Variants in MKRN2 observed in about 807,000 individuals in gnomAD.
MKRN2 encodes E3 ubiquitin-protein ligase makorin-2.
MKRN2 carries 32 observed loss-of-function variants against 45.4 expected under a neutral mutation model. The ratio of observed to expected loss-of-function variants is 0.70; its 90% confidence interval spans 0.53 to 0.95. MKRN2 has a LOEUF of 0.95. Ranked by LOEUF, MKRN2 falls within the 40% of genes least tolerant of loss-of-function variation. The pLI is 0.00. For synonymous variants in MKRN2, 206 were observed against 192.4 expected, an observed-to-expected ratio of 1.07 and a Z score of -0.59; for missense variants, 526 against 536.7, an observed-to-expected ratio of 0.98 and a Z score of 0.20.
chr3:12,572,480 G>A (rs2058105745), intron 4 of MKRN2, 107 bp downstream of exon 4: 2 of 1,059,420 alleles, frequency 1.9e-6, no homozygotes, highest in Admixed American at 7.2e-5. Flanking sequence ...AATGTACTAA[G>A]TGACAGAATT....
intron 6 of MKRN2, among the ~76,000 whole-genome samples, chr3:12,579,961 T>C (rs1453177341): frequency 6.6e-6 from 1 of 151,718 alleles, no homozygotes; most frequent in African/African-American, 2.4e-5. Flanking sequence ...CGTGCTGCTC[T>C]GAAGGTGGAA....
rs557292633 is a variant in MKRN2, at chr3:12,582,620, T to C, written c.*367T>C. 3 of 203,854 alleles carry C rather than the reference T, an allele frequency of 1.5e-5. No individual in the cohort carries two copies. The highest frequency in any genetic ancestry group is 6.8e-5 in the African/African-American group (3 of 43,984). 12.6% of individuals were successfully genotyped at this position (203,854 alleles called of 1,614,324 possible). On this transcript the variant is annotated 3_prime_UTR_variant, in exon 8 of 8. Coordinates refer to ENST00000170447, the MANE Select transcript of MKRN2 (RefSeq NM_014160.5). Reference sequence around the variant, plus strand: ...ATAGTAAACTTGCAGCTGCCCCTAATGCAGCATATTTTTCTTACCAAAGGA... The same window carrying C: ...ATAGTAAACTTGCAGCTGCCCCTAACGCAGCATATTTTTCTTACCAAAGGA...
chr3:12,572,505 A>T, intron 4 of MKRN2, 132 bp downstream of exon 4: 1 of 787,920 alleles, frequency 1.3e-6, no homozygotes, highest in Non-Finnish European at 1.8e-6. Context: ...GTATTTCCAC[A>T]GGCATCCCCC....
At chr3:12,564,806 A>G (rs893271849) in intron 1 of MKRN2, among the ~76,000 whole-genome samples, 1 of 152,220 alleles carries the variant, frequency 6.6e-6, no homozygotes. Flanking sequence ...CTAGGCAACC[A>G]CTTAATCTAC....
intron 4 of MKRN2, among the ~76,000 whole-genome samples, chr3:12,574,437 C>T (rs772323062): frequency 5.9e-5 from 9 of 152,204 alleles, no homozygotes; most frequent in Non-Finnish European, 8.8e-5. Flanking sequence ...GGCTCAGAGT[C>T]GGGGGAAACA....
chr3:12,580,313 G>A lies in MKRN2; in HGVS notation c.969-1495G>A, dbSNP rs553966805. ...GCTCTGGTGAGAGCAAACTGCTCAC[G>A]GTCATTTGAAGTCCGCTCAGAACTC... On this transcript the variant is annotated intron_variant, in intron 6 of 7. Coordinates refer to ENST00000170447, the MANE Select transcript of MKRN2 (RefSeq NM_014160.5). 4.6e-5 allele frequency among the ~76,000 whole-genome samples: 7 copies of A among 152,188 alleles called. No homozygotes were observed. In the South Asian group the frequency reaches 1.2e-3, roughly 27 times the overall value.
intron 1 of MKRN2, among the ~76,000 whole-genome samples, 165 bp from the exon 2 acceptor site, chr3:12,568,710 C>A (rs1575518781): frequency 6.6e-6 from 1 of 152,194 alleles, no homozygotes; most frequent in East Asian, 1.9e-4. Context: ...TCTGAAATCA[C>A]TGTTGTAGAA....
chr3:12,581,533 T>C (rs2058178142), intron 6 of MKRN2, among the ~76,000 whole-genome samples: 1 of 152,224 alleles, frequency 6.6e-6, no homozygotes, highest in South Asian at 2.1e-4. Flanking sequence ...TGTGGAGCAC[T>C]GCAGTCTCCA....
In MKRN2 at chr3:12,583,679, T is replaced by TAAAA. The variant is rs2058213188; in HGVS notation, c.*1428_*1431dup. 1 of 233,258 alleles carries TAAAA rather than the reference T, an allele frequency of 4.3e-6. No individual in the cohort carries two copies. The highest frequency in any genetic ancestry group is 2.2e-5 in the African/African-American group (1 of 45,358). 14.4% of individuals were successfully genotyped at this position (233,258 alleles called of 1,614,324 possible). A position where few individuals can be genotyped will look rare whatever the true frequency, so the allele number is the denominator to read the frequency against. The stretch of plus-strand genomic sequence containing the variant: ...GATAACTGTATTTTGTCAGGTGCAA[T>TAAAA]AAAAACAAAATTAAAACCCAAATCA... On this transcript the variant is annotated 3_prime_UTR_variant, in exon 8 of 8. Transcript: ENST00000170447.
intron 1 of MKRN2, among the ~76,000 whole-genome samples, chr3:12,567,387 C>T (rs2058074839): frequency 1.3e-5 from 2 of 151,218 alleles, no homozygotes; most frequent in Non-Finnish European, 2.9e-5. Context: ...CCTCCTGTCT[C>T]ACTCTCCTGA....
At chr3:12,574,527 C>T (rs375743944) in intron 4 of MKRN2, among the ~76,000 whole-genome samples, 3 of 152,190 alleles carry the variant, frequency 2.0e-5, no homozygotes, top group South Asian at 4.1e-4. Context: ...TTTGGATCTC[C>T]GTGTTCTCAG....
intron 2 of MKRN2, 94 bp from the exon 3 acceptor site, chr3:12,569,977 A>T (rs963468288): frequency 8.2e-7 from 1 of 1,213,538 alleles, no homozygotes; most frequent in Admixed American, 2.4e-5. Context: ...CACCTCAACA[A>T]GTGCAGCAGA....
At chr3:12,571,585 G>A in intron 3 of MKRN2, among the ~76,000 whole-genome samples, 1 of 152,220 alleles carries the variant, frequency 6.6e-6, no homozygotes, top group East Asian at 1.9e-4. Flanking sequence ...CCTGGCGTGA[G>A]AAGGGGTGAC....
In MKRN2 at chr3:12,582,191, G is replaced by C. The variant is rs554403152; in HGVS notation, c.1189G>C (p.Asp397His). The change falls in exon 8 of 8, where the codon GAC (aspartate) becomes CAC (histidine). Residue 397 changes from aspartate (D) to histidine (H), a missense_variant. Transcript: ENST00000170447. The stretch of plus-strand genomic sequence containing the variant: ...GCATGTCCCCAACAATGAAGATGTC[G>C]ACATGACAGAGCTCGGGGACCTCTT... ...SRHVPNNEDV[D>H]MTELGDLFMH... 3.7e-6 allele frequency: 6 copies of C among 1,614,016 alleles called. No individual in the cohort carries two copies. In the African/African-American group the frequency reaches 5.3e-5, roughly 14 times the overall value.
At chr3:12,574,648 G>T in intron 4 of MKRN2, 144 bp from the exon 5 acceptor site, 1 of 743,802 alleles carries the variant, frequency 1.3e-6, no homozygotes. Flanking sequence ...CTGACTTGGG[G>T]GAGCCTGGGC....
Position 12,582,216 on chromosome 3 carries a change from T to C in MKRN2, c.1214T>C (p.Phe405Ser). ...DVDMTELGDL[F>S]MHLSGVESSE... ...GACATGACAGAGCTCGGGGACCTCT[T>C]CATGCACCTTTCTGGAGTGGAATCA... The change falls in exon 8 of 8, where the codon TTC becomes TCC. Residue 405 changes from phenylalanine to serine, a missense_variant. Physicochemically the swap from Phe to Ser is radical, Grantham distance 155 (BLOSUM62 -2). Transcript: ENST00000170447. 1.9e-6 allele frequency: 3 copies of C among 1,614,160 alleles called. No homozygotes were observed. The South Asian group carries it at 3.3e-5, about 18-fold the overall frequency.
chr3:12,572,073 C>G lies in MKRN2; in HGVS notation c.342C>G (p.Leu114=). The change falls in exon 4 of 8, where the codon CTC becomes CTG. Residue 114 remains leucine (L), a synonymous_variant. Coordinates refer to ENST00000170447, the MANE Select transcript of MKRN2 (RefSeq NM_014160.5). ...TGTGCTGTGTGTTGTTTTCAGATCT[C>G]TCTGGCATGGCTGAAAGGAAGACCC... The part of the protein sequence containing the change: ...KRTLVLRDRN[L]SGMAERKTQP... 1 of 1,602,874 alleles carries G rather than the reference C, an allele frequency of 6.2e-7. No homozygotes were observed. The highest frequency in any genetic ancestry group is 8.5e-7 in the Non-Finnish European group (1 of 1,173,542).
At chr3:12,567,215 T>TC (rs996959560) in intron 1 of MKRN2, among the ~76,000 whole-genome samples, 1 of 151,896 alleles carries the variant, frequency 6.6e-6, no homozygotes, top group Non-Finnish European at 1.5e-5. Context: ...GCTTGTGTTT[T>TC]TTTTTTTTAA....
rs1019549770 is a variant in MKRN2, at chr3:12,576,229, G to C, written c.858-402G>C. Among the ~76,000 whole-genome samples the C allele has an allele frequency of 5.9e-5, 8 of 136,660 alleles. 1 individual carries two copies. The highest frequency in any genetic ancestry group is 4.5e-4 in the South Asian group (2 of 4,470). 89.7% of individuals were successfully genotyped at this position (136,660 alleles called of 152,430 possible). ...TGTGTGTGTGTGTGTGTGTGTGTGT[G>C]TATTTTTTTTGCTTTAAGTTCTGGG... On this transcript the variant is annotated intron_variant, in intron 5 of 7. Transcript: ENST00000170447.
Sources: gnomAD v4.1 joint callset for allele counts (sites outside exome capture counted in the v4.1 genomes callset) on GRCh38, gnomAD v4.1.1 for gene constraint, MANE v1.5 for transcripts, NCBI Gene and HGNC (gene_info 2026-07-23, HGNC 2026-07-21) for gene names.